CUL3: variants seen among roughly 807,000 people sequenced by gnomAD.
CUL3 encodes cullin-3.
In CUL3, 19 loss-of-function variants were observed where a neutral mutation model predicts 89.1. That is an observed-to-expected ratio of 0.21 (90% CI 0.15 to 0.31). CUL3 has a LOEUF of 0.31. Among genes scored for constraint, CUL3 ranks in the 10% least tolerant of loss-of-function variants. The pLI is 1.00. For missense variants in CUL3, 469 were observed against 942.3 expected, an observed-to-expected ratio of 0.50 and a Z score of 6.58; for synonymous variants, 351 against 308.4, an observed-to-expected ratio of 1.14 and a Z score of -1.45.
At chr2:224,533,419 T>C (rs1371824764) in intron 3 of CUL3, among the ~76,000 whole-genome samples, 8 of 151,732 alleles carry the variant, frequency 5.3e-5, no homozygotes, top group African/African-American at 1.5e-4. Flanking sequence ...TTCTTGACCA[T>C]GTGTAGAGTC....
At chr2:224,515,142 T>C (rs1259090534) in intron 3 of CUL3, among the ~76,000 whole-genome samples, 1 of 152,222 alleles carries the variant, frequency 6.6e-6, no homozygotes, top group Non-Finnish European at 1.5e-5. Context: ...TTGAAGATCA[T>C]ATTCTTTGAA....
intron 3 of CUL3, among the ~76,000 whole-genome samples, chr2:224,525,214 C>A (rs1445069115): frequency 6.6e-6 from 1 of 152,172 alleles, no homozygotes; most frequent in Non-Finnish European, 1.5e-5. Flanking sequence ...TAATGTAATT[C>A]TTTTGCACTG....
At position 224,485,059 on chromosome 2, in the gene CUL3, A is replaced by AT. The variant is rs1691665719; in HGVS notation, c.1843-2982_1843-2981insA. Among the ~76,000 whole-genome samples, 1 of 152,154 alleles carries AT rather than the reference A, an allele frequency of 6.6e-6. No individual in the cohort carries two copies. The highest frequency in any genetic ancestry group is 1.5e-5 in the Non-Finnish European group (1 of 68,020). On this transcript the variant is annotated intron_variant, in intron 13 of 15. Transcript: ENST00000264414. This position sits in a 1 kb window ranked among gnomAD's most constrained non-coding sequence, Gnocchi z 4.1. The stretch of plus-strand genomic sequence containing the variant: ...GGGAACTCCCTCCCCTAGCCAAGGG[A>AT]AGCCCTGAGGGACTGTGCTATCTGG...
intron 13 of CUL3, among the ~76,000 whole-genome samples, chr2:224,494,541 A>G (rs1692096881): frequency 6.6e-6 from 1 of 152,178 alleles, no homozygotes; most frequent in Non-Finnish European, 1.5e-5. Context: ...AACTGGCATA[A>G]AGACAGACAT....
chr2:224,525,812 T>C (rs1693452743), intron 3 of CUL3, among the ~76,000 whole-genome samples: 1 of 152,206 alleles, frequency 6.6e-6, no homozygotes, highest in Non-Finnish European at 1.5e-5. Context: ...TTTTCTTCCT[T>C]CATTATCATA....
In CUL3 at chr2:224,511,236, A is replaced by G. The variant is rs998665083; in HGVS notation, c.883+118T>C. The G allele has an allele frequency of 1.7e-5, 11 of 666,464 alleles. No homozygotes were observed. In the Admixed American group the frequency reaches 3.4e-4, roughly 20 times the overall value. The allele number at this position is 666,464 out of a possible 1,614,324, so 41.3% of individuals were successfully genotyped here. ...TAAAGTTAACAATGGAGACAAATTA[A>G]CAATACACACCAAAACTTCTTGAAA... On this transcript the variant is annotated intron_variant, in intron 6 of 15. Transcript: ENST00000264414.
intron 15 of CUL3, among the ~76,000 whole-genome samples, chr2:224,475,628 C>A (rs1055581948): frequency 2.0e-4 from 31 of 152,312 alleles, no homozygotes; most frequent in African/African-American, 7.2e-4. Flanking sequence ...CCTGTATCGA[C>A]AAACTTGCTC....
At chr2:224,560,502 C>A (rs1574697106) in intron 1 of CUL3, 1 of 153,074 alleles carries the variant, frequency 6.5e-6, no homozygotes, top group Non-Finnish European at 1.5e-5. Flanking sequence ...TCTTTTCCAG[C>A]TGAACAAATG....
In CUL3 at chr2:224,495,895, T is replaced by C. The variant is rs778208431; in HGVS notation, c.1779A>G (p.Gln593=). The change falls in exon 13 of 16, where the codon CAA becomes CAG. Residue 593 remains glutamine (Q), a synonymous_variant. Transcript: ENST00000264414. ...TGSNTRKHIL[Q]VSTFQMTILM... is the part of the protein sequence containing the mutation. ...ATATGGTCATCTGGAAAGTGGAAAC[T>C]TGCAATATGTGCTTCCGTGTATTAG... The C allele has an allele frequency of 2.5e-6, 4 of 1,613,744 alleles. No homozygotes were observed. The highest frequency in any genetic ancestry group is 2.2e-5 in the East Asian group (1 of 44,860).
chr2:224,513,198 T>C (rs964169910), intron 5 of CUL3, among the ~76,000 whole-genome samples: 2 of 152,198 alleles, frequency 1.3e-5, no homozygotes, highest in African/African-American at 4.8e-5. Context: ...AGCACACTAT[T>C]AGTTAAGTTT....
At chr2:224,556,811 AT>A (rs1694724326) in intron 2 of CUL3, among the ~76,000 whole-genome samples, 1 of 152,106 alleles carries the variant, frequency 6.6e-6, no homozygotes, top group Non-Finnish European at 1.5e-5. Context: ...AGCAATAATA[AT>A]ATTGGTAACA....
At chr2:224,531,084 T>C (rs1574662928) in intron 3 of CUL3, among the ~76,000 whole-genome samples, 2 of 137,610 alleles carry the variant, frequency 1.5e-5, no homozygotes, top group Middle Eastern at 4.2e-3. Context: ...GAACCTAAAA[T>C]AGCCTTTTTT....
At chr2:224,557,487 C>T (rs545538305) in intron 2 of CUL3, among the ~76,000 whole-genome samples, 172 bp downstream of exon 2, 4 of 150,258 alleles carry the variant, frequency 2.7e-5, no homozygotes, top group Non-Finnish European at 4.4e-5. Flanking sequence ...TCCAAATTTT[C>T]GATTTAGCTG....
At chr2:224,496,094 A>G in intron 12 of CUL3, 128 bp from the exon 13 acceptor site, 1 of 967,076 alleles carries the variant, frequency 1.0e-6, no homozygotes, top group Non-Finnish European at 1.5e-6. Flanking sequence ...GCAGTGGCGC[A>G]AACACAGCTC....
At chr2:224,583,125 T>C (rs1449664199) in intron 1 of CUL3, among the ~76,000 whole-genome samples, 1 of 152,180 alleles carries the variant, frequency 6.6e-6, no homozygotes, top group Non-Finnish European at 1.5e-5. Context: ...ACTCCTGTAA[T>C]CCCAGCACTT....
intron 13 of CUL3, 43 bp downstream of exon 13, chr2:224,495,789 T>C: frequency 6.5e-7 from 1 of 1,528,740 alleles, no homozygotes; most frequent in Non-Finnish European, 8.9e-7. Context: ...CAAGTGAGAG[T>C]TAGAAACAAC....
intron 1 of CUL3, among the ~76,000 whole-genome samples, chr2:224,569,183 T>G (rs900241316): frequency 2.6e-5 from 4 of 152,192 alleles, no homozygotes; most frequent in African/African-American, 9.7e-5. Context: ...ACTGATTAAG[T>G]TGCAATAACT....
intron 1 of CUL3, among the ~76,000 whole-genome samples, chr2:224,582,534 T>C (rs1695465380): frequency 6.6e-6 from 1 of 152,250 alleles, no homozygotes; most frequent in Non-Finnish European, 1.5e-5. Context: ...AAAATTCTTT[T>C]AGAAATCAGC....
At chr2:224,483,443 C>T (rs1338249883) in intron 13 of CUL3, among the ~76,000 whole-genome samples, 2 of 152,122 alleles carry the variant, frequency 1.3e-5, no homozygotes, top group Non-Finnish European at 1.5e-5. Context: ...TTAAGCATAA[C>T]AGTAGTTAGT....
Sources: allele counts gnomAD v4.1 joint callset (sites outside exome capture counted in the v4.1 genomes callset), GRCh38; gene constraint gnomAD v4.1.1; non-coding constraint Gnocchi (gnomAD v3.1); transcripts MANE v1.5; gene names NCBI Gene and HGNC (gene_info 2026-07-23, HGNC 2026-07-21).